The following SCN8A variants were observed in gnomAD, a reference collection of about 807,000 sequenced individuals.
The protein encoded by SCN8A is sodium voltage-gated channel alpha subunit 8.
A neutral mutation model predicts 184.1 loss-of-function variants in SCN8A; 30 were observed. That is an observed-to-expected ratio of 0.16 (90% CI 0.12 to 0.22). The LOEUF (loss-of-function observed/expected upper bound fraction) is 0.22. Among genes scored for constraint, SCN8A ranks in the 10% least tolerant of loss-of-function variants. SCN8A has a pLI of 1.00. For missense variants in SCN8A, 1,057 were observed against 2,498.9 expected (o/e 0.42, Z 12.30); for synonymous variants, 852 against 907.0 (o/e 0.94, Z 1.09).
At chr12:51,784,461 A>C (rs1938019718) in intron 21 of SCN8A, among the ~76,000 whole-genome samples, 1 of 152,166 alleles carries the variant, frequency 6.6e-6, no homozygotes, top group Admixed American at 6.5e-5. Flanking sequence ...AGGCTGAGGC[A>C]GGAGAATCGC....
chr12:51,762,192 A>G (rs1331343277), intron 14 of SCN8A, among the ~76,000 whole-genome samples: 2 of 152,186 alleles, frequency 1.3e-5, no homozygotes, highest in Non-Finnish European at 2.9e-5. Flanking sequence ...ACCCTTTGAA[A>G]GGAGTTGCCT....
chr12:51,687,771 G>T (rs996492833), intron 5 of SCN8A, among the ~76,000 whole-genome samples: 1 of 152,146 alleles, frequency 6.6e-6, no homozygotes, highest in Non-Finnish European at 1.5e-5. Flanking sequence ...CTCCACATTG[G>T]TATGTTACTG....
intron 1 of SCN8A, among the ~76,000 whole-genome samples, chr12:51,618,424 C>T (rs1939887576): frequency 6.8e-6 from 1 of 147,634 alleles, no homozygotes; most frequent in South Asian, 2.2e-4. Flanking sequence ...GATTTGGCTG[C>T]CTTTTTTGAG....
chr12:51,660,263 G>A (rs1172508092), intron 1 of SCN8A, among the ~76,000 whole-genome samples: 1 of 152,148 alleles, frequency 6.6e-6, no homozygotes, highest in Non-Finnish European at 1.5e-5. Flanking sequence ...ACACAGTCTT[G>A]GAGAAGACAG....
chr12:51,632,881 T>C lies in SCN8A; in HGVS notation c.-54-29883T>C, dbSNP rs113670617. Among the ~76,000 whole-genome samples the C allele has an allele frequency of 7.6e-3, 1,162 of 151,976 alleles. 18 individuals are homozygous for C. The highest frequency in any genetic ancestry group is 0.027 in the African/African-American group (1,106 of 41,310). On this transcript the variant is annotated intron_variant, in intron 1 of 26. Transcript: ENST00000627620. ...GAAGTCTGCCTTCCATGACCTATAT[T>C]CATTATTCTGTTTCCTCCGTGCTTT... is the stretch of plus-strand genomic sequence containing the variant.
intron 26 of SCN8A, among the ~76,000 whole-genome samples, chr12:51,797,502 T>G (rs1938444000): frequency 1.3e-5 from 2 of 152,232 alleles, no homozygotes; most frequent in Non-Finnish European, 2.9e-5. Flanking sequence ...TCATTCTATA[T>G]TCACTTTGCC....
chr12:51,755,179 C>T (rs150878166), intron 14 of SCN8A, among the ~76,000 whole-genome samples: 15 of 152,316 alleles, frequency 9.8e-5, no homozygotes, highest in South Asian at 2.1e-4. Flanking sequence ...TAAGTGAGGA[C>T]TTACTGTATA....
chr12:51,730,592 TA>T (rs1186632600), intron 12 of SCN8A, among the ~76,000 whole-genome samples: 2 of 152,196 alleles, frequency 1.3e-5, no homozygotes, highest in Non-Finnish European at 1.5e-5. Flanking sequence ...ATAGTAAGTA[TA>T]TATATTTATG....
rs1057317154 is a variant in SCN8A at position 51,768,981 on chromosome 12, G to C, written c.3018G>C (p.Lys1006Asn). 6.2e-6 allele frequency: 10 copies of C among 1,613,896 alleles called. No individual in the cohort carries two copies. Among genetic ancestry groups the C allele is most frequent in the Non-Finnish European group, 8.5e-6 (10 of 1,179,870 alleles). ...AGATCTCAGTGATCCGTATCAAGAA[G>C]GGTGTGGCCTGGACCAAACTAAAGG... ...NLQISVIRIK[K>N]GVAWTKLKVH... The change falls in exon 17 of 27, where the codon AAG becomes AAC. Residue 1006 changes from lysine to asparagine, a missense_variant. Physicochemically the swap from Lys to Asn is moderately conservative, Grantham distance 94 (BLOSUM62 0). This residue lies in a region of SCN8A where 178 missense variants were observed against 259.6 expected (regional missense o/e 0.69). Coordinates refer to ENST00000627620, the MANE Select transcript of SCN8A (RefSeq NM_001330260.2).
Position 51,598,185 on chromosome 12 carries a change from C to T in SCN8A, c.-55+6826C>T, listed in dbSNP as rs528138835. ...AGGGAAGAAAGTGTTTGGAGTGTGA[C>T]GAATCATCATAGGGAGAAAGCAAAA... is the stretch of plus-strand genomic sequence containing the variant. On this transcript the variant is annotated intron_variant, in intron 1 of 26. Coordinates refer to ENST00000627620, the MANE Select transcript of SCN8A (RefSeq NM_001330260.2). Among the ~76,000 whole-genome samples the T allele has an allele frequency of 3.9e-4, 59 of 152,010 alleles. No homozygotes were observed. The South Asian group carries it at 0.011, about 30-fold the overall frequency.
chr12:51,728,354 C>T (rs1354350212), intron 12 of SCN8A, among the ~76,000 whole-genome samples: 1 of 152,160 alleles, frequency 6.6e-6, no homozygotes, highest in African/African-American at 2.4e-5. Context: ...AAGAAGCCAG[C>T]CTGTTATAAG....
chr12:51,722,027 A>G, intron 12 of SCN8A, 119 bp downstream of exon 12: 2 of 1,554,838 alleles, frequency 1.3e-6, no homozygotes, highest in Non-Finnish European at 1.7e-6. Context: ...TGCCCATCCC[A>G]CTTGGTCTGT....
rs1003938127 is a variant in SCN8A, at chr12:51,705,601, A to G, written c.1319A>G (p.Lys440Arg). ...TTTAAAGCAATGTTGGAGCAACTTAAGAAGCAACAGGAAGAGGCACAGGTT... is the reference window on the plus strand; with the variant it reads ...TTTAAAGCAATGTTGGAGCAACTTAGGAAGCAACAGGAAGAGGCACAGGTT... ...AEFKAMLEQL[K>R]KQQEEAQAAA... The change falls in exon 10 of 27, where the codon AAG (lysine) becomes AGG (arginine). Residue 440 changes from lysine (K) to arginine (R), a missense_variant. By Grantham distance (26) the Lys-to-Arg change is conservative. Coordinates refer to ENST00000627620, the MANE Select transcript of SCN8A (RefSeq NM_001330260.2). The G allele has an allele frequency of 4.3e-6, 7 of 1,613,580 alleles. No homozygotes were observed. The highest frequency in any genetic ancestry group is 1.7e-5 in the Admixed American group (1 of 59,960).
chr12:51,730,488 A>G (rs1408702389), intron 12 of SCN8A, among the ~76,000 whole-genome samples: 1 of 152,324 alleles, frequency 6.6e-6, no homozygotes, highest in South Asian at 2.1e-4. Flanking sequence ...TATTTTTAAG[A>G]TTATTAAATA....
At chr12:51,769,824 G>A in intron 17 of SCN8A, 44 bp from the exon 18 acceptor site, 1 of 1,303,736 alleles carries the variant, frequency 7.7e-7, no homozygotes, top group Non-Finnish European at 1.1e-6. Context: ...GAGTGGGCAT[G>A]TTGCCTCAGA....
rs574357890 is a variant in SCN8A at position 51,703,242 on chromosome 12, G to T, written c.1134+328G>T. Reference sequence around the variant, plus strand: ...TTTGGGGTTAGGGTTTGTTTTTTTTGTTTTGTTTTGTTTTGTTTTGTTTTT... The same window carrying T: ...TTTGGGGTTAGGGTTTGTTTTTTTTTTTTTGTTTTGTTTTGTTTTGTTTTT... On this transcript the variant is annotated intron_variant, in intron 9 of 26. Transcript: ENST00000627620. Among the ~76,000 whole-genome samples, 735 of 150,906 alleles carry T rather than the reference G, an allele frequency of 4.9e-3. 6 individuals are homozygous for T. Among genetic ancestry groups the T allele is most frequent in the African/African-American group, 0.015 (616 of 41,116 alleles).
chr12:51,751,290 A>T (rs1476423374), intron 13 of SCN8A, 65 bp from the exon 14 acceptor site: 4 of 1,003,314 alleles, frequency 4.0e-6, no homozygotes, highest in African/African-American at 3.2e-5. Flanking sequence ...ACTGAGAGTG[A>T]GTAGTGTGTC....
At chr12:51,598,480 T>A (rs2138552436) in intron 1 of SCN8A, among the ~76,000 whole-genome samples, 1 of 152,290 alleles carries the variant, frequency 6.6e-6, no homozygotes, top group Admixed American at 6.5e-5. Context: ...TTGAGAAAAC[T>A]GGAGAATATT....
intron 13 of SCN8A, among the ~76,000 whole-genome samples, chr12:51,746,818 T>G (rs1942518426): frequency 1.3e-5 from 2 of 152,188 alleles, no homozygotes; most frequent in Non-Finnish European, 1.5e-5. Context: ...CTGCATGCTT[T>G]CTTTAGAGGT....
Sources: allele counts gnomAD v4.1 joint callset (sites outside exome capture counted in the v4.1 genomes callset), GRCh38; gene constraint gnomAD v4.1.1; regional missense constraint gnomAD v4.1.1; transcripts MANE v1.5; gene names NCBI Gene and HGNC (gene_info 2026-07-23, HGNC 2026-07-21).